The following DDX60 variants were observed in gnomAD, a reference collection of about 807,000 sequenced individuals.
The protein encoded by DDX60 is DExD/H-box helicase 60, also known as probable ATP-dependent RNA helicase DDX60.
In DDX60, 165 loss-of-function variants were observed where a neutral mutation model predicts 212.8. The observed-to-expected ratio is 0.78, with a 90% CI of 0.68 to 0.88. DDX60 has a LOEUF of 0.88. DDX60 is among the 40% of genes least tolerant of loss of function. The probability of loss-of-function intolerance (pLI) is 0.00; values close to 1 mark genes in which losing one functional copy is unlikely to be tolerated. For synonymous variants in DDX60, 703 were observed against 685.3 expected (o/e 1.03, Z -0.40); for missense variants, 1,905 against 2,003.9 (o/e 0.95, Z 0.94).
At position 168,246,608 on chromosome 4, in the gene DDX60, C is replaced by T. The variant is rs755325220; in HGVS notation, c.3974G>A (p.Arg1325His). Residue 1325 changes from arginine to histidine, a missense_variant, in exon 30 of 38, where the codon CGT becomes CAT. Physicochemically the swap from Arg to His is conservative, Grantham distance 29. Transcript: ENST00000393743. ...CAGGTCTTGACCTCTTCTTCCAGCA[C>T]GGCCAGACATCTGAAAAGAGAATAG... ...DALNYRQMSG[R>H]AGRRGQDLMG... 2 of 1,613,984 alleles carry T rather than the reference C, an allele frequency of 1.2e-6. No individual in the cohort carries two copies. The highest frequency in any genetic ancestry group is 1.7e-6 in the Non-Finnish European group (2 of 1,179,926).
At chr4:168,217,595 C>G (rs149700178) in intron 37 of DDX60, among the ~76,000 whole-genome samples, 1 of 152,034 alleles carries the variant, frequency 6.6e-6, no homozygotes, top group Non-Finnish European at 1.5e-5. Context: ...GGCTGCAGTG[C>G]GAATTAAAGT....
Position 168,267,840 on chromosome 4 carries a change from C to T in DDX60, c.2929+1G>A, listed in dbSNP as rs781447571. 1 of 1,604,080 alleles carries T rather than the reference C, an allele frequency of 6.2e-7. No homozygotes were observed. Among genetic ancestry groups the T allele is most frequent in the Non-Finnish European group, 8.5e-7 (1 of 1,175,880 alleles). On this transcript the variant is annotated splice_donor_variant, in intron 21 of 37. Coordinates refer to ENST00000393743, the MANE Select transcript of DDX60 (RefSeq NM_017631.6). LOFTEE classifies it high-confidence loss of function. ...GCTTTATATAAATATATCAAACATA[C>T]CAAGTCTAACTTTATACGATTGTTT...
chr4:168,320,571 T>C (rs1195555739), upstream of DDX60, among the ~76,000 whole-genome samples: 4 of 152,162 alleles, frequency 2.6e-5, no homozygotes, highest in Non-Finnish European at 5.9e-5. Context: ...AACAAACTTG[T>C]GTGGTATTAA....
chr4:168,260,970 T>C lies in DDX60; in HGVS notation c.3293A>G (p.Asn1098Ser), dbSNP rs1233472854. ...ACTCAAATCTGCTTCAGGACTAAGATTCTGAAGTACCATTCTGGCCTGTAG... is the reference window on the plus strand; with the variant it reads ...ACTCAAATCTGCTTCAGGACTAAGACTCTGAAGTACCATTCTGGCCTGTAG... ...NVEQARMVLQ[N>S]LSPEADLSPE... Residue 1098 changes from asparagine to serine, a missense_variant, in exon 25 of 38, where the codon AAT (asparagine) becomes AGT (serine). Asn to Ser is a conservative substitution (Grantham distance 46). Transcript: ENST00000393743. The C allele has an allele frequency of 1.9e-6, 3 of 1,613,120 alleles. No homozygotes were observed. Among genetic ancestry groups the C allele is most frequent in the East Asian group, 2.2e-5 (1 of 44,822 alleles).
At chr4:168,324,596 G>T in the DDX60 span, among the ~76,000 whole-genome samples, 1 of 152,146 alleles carries the variant, frequency 6.6e-6, no homozygotes, top group Admixed American at 6.5e-5. Context: ...GAACCCAAAA[G>T]GACTAAAAGA....
intron 8 of DDX60, among the ~76,000 whole-genome samples, chr4:168,289,851 C>A (rs534780488): frequency 6.6e-6 from 1 of 152,164 alleles, no homozygotes; most frequent in Non-Finnish European, 1.5e-5. Context: ...CAGTGCTATT[C>A]ATCCCTACTT....
intron 22 of DDX60, among the ~76,000 whole-genome samples, chr4:168,263,337 T>C (rs1484110216): frequency 6.6e-6 from 1 of 152,208 alleles, no homozygotes; most frequent in Non-Finnish European, 1.5e-5. Context: ...TAATAATGTA[T>C]GCCATTCATT....
intron 25 of DDX60, among the ~76,000 whole-genome samples, chr4:168,257,340 C>G (rs1362037584): frequency 6.6e-6 from 1 of 152,112 alleles, no homozygotes; most frequent in East Asian, 1.9e-4. Context: ...ACACAGTTGT[C>G]AGGCATTATT....
chr4:168,270,158 T>C (rs1735027929), intron 19 of DDX60, among the ~76,000 whole-genome samples: 2 of 152,202 alleles, frequency 1.3e-5, no homozygotes, highest in South Asian at 4.1e-4. Flanking sequence ...AATATTCTAT[T>C]CCTAGCCACT....
chr4:168,323,265 A>G (rs576055539), upstream of DDX60, among the ~76,000 whole-genome samples: 1 of 152,218 alleles, frequency 6.6e-6, no homozygotes, highest in Non-Finnish European at 1.5e-5. Flanking sequence ...AAATAGTGAG[A>G]TGGAAATCAA....
intron 30 of DDX60, among the ~76,000 whole-genome samples, chr4:168,238,480 AAGGGGAGAAAGGAAGAG>A (rs1733721755): frequency 1.5e-5 from 2 of 135,894 alleles, no homozygotes; most frequent in Admixed American, 1.5e-4. Flanking sequence ...AAGGGAAGGG[AAGGGGAGAAAGGAAGAG>A]GAAGGGAAGA....
At chr4:168,316,390 A>G (rs1357439648) in intron 1 of DDX60, among the ~76,000 whole-genome samples, 1 of 152,206 alleles carries the variant, frequency 6.6e-6, no homozygotes, top group African/African-American at 2.4e-5. Context: ...ATAAACCTTG[A>G]CAGTATGAAA....
rs140011014 is a variant in DDX60 at position 168,297,927 on chromosome 4, T to C, written c.724-3982A>G. On this transcript the variant is annotated intron_variant, in intron 6 of 37. Coordinates refer to ENST00000393743, the MANE Select transcript of DDX60 (RefSeq NM_017631.6). ...ATAAATAATAAAATAATAGTAATAA[T>C]GATAATTTAATAATAAAATTAATAT... 5.5e-3 allele frequency among the ~76,000 whole-genome samples: 830 copies of C among 150,972 alleles called. 3 individuals carry two copies. The highest frequency in any genetic ancestry group is 9.0e-3 in the Non-Finnish European group (611 of 67,744).
chr4:168,239,089 G>A (rs566229954), intron 30 of DDX60, among the ~76,000 whole-genome samples: 44 of 152,162 alleles, frequency 2.9e-4, no homozygotes, highest in Admixed American at 7.9e-4. Flanking sequence ...ATCTTCTTAA[G>A]AAAAATTGAT....
upstream of DDX60, among the ~76,000 whole-genome samples, chr4:168,323,509 A>G (rs550280821): frequency 1.3e-5 from 2 of 152,298 alleles, no homozygotes; most frequent in East Asian, 3.9e-4. Flanking sequence ...GTACCGATAT[A>G]TAGGCAAGGT....
At chr4:168,224,988 A>G (rs1371767437) in intron 34 of DDX60, among the ~76,000 whole-genome samples, 1 of 152,006 alleles carries the variant, frequency 6.6e-6, no homozygotes, top group Non-Finnish European at 1.5e-5. Flanking sequence ...AAGAGTGTTA[A>G]CCATGTACAA....
intron 30 of DDX60, among the ~76,000 whole-genome samples, chr4:168,243,044 C>G (rs1733906221): frequency 6.6e-6 from 1 of 152,192 alleles, no homozygotes; most frequent in South Asian, 2.1e-4. Context: ...CAAGCTCTCT[C>G]TCTCTTTGCC....
intron 15 of DDX60, 103 bp downstream of exon 15, chr4:168,275,912 T>TAAA: frequency 3.3e-5 from 31 of 928,532 alleles, no homozygotes; most frequent in Admixed American, 6.9e-5. Context: ...GTATTTTCAG[T>TAAA]AAAAAAAAAA....
intron 7 of DDX60, among the ~76,000 whole-genome samples, chr4:168,292,315 G>T (rs1736146877): frequency 1.3e-5 from 2 of 151,928 alleles, no homozygotes; most frequent in African/African-American, 4.8e-5. Context: ...AAAGTGCTAG[G>T]ATTACTCGTG....
Sources: gnomAD v4.1 joint callset for allele counts (sites outside exome capture counted in the v4.1 genomes callset) on GRCh38, gnomAD v4.1.1 for gene constraint, MANE v1.5 for transcripts, NCBI Gene and HGNC (gene_info 2026-07-23, HGNC 2026-07-21) for gene names.